The following VANGL2 variants were observed in gnomAD, a reference collection of about 807,000 sequenced individuals.
VANGL2 encodes VANGL planar cell polarity protein 2.
VANGL2 carries 14 observed loss-of-function variants against 50.2 expected under a neutral mutation model. That is an observed-to-expected ratio of 0.28 (90% CI 0.18 to 0.44). VANGL2 has a LOEUF of 0.44. Among genes scored for constraint, VANGL2 ranks in the 20% least tolerant of loss-of-function variants. The pLI, the probability that VANGL2 is intolerant of heterozygous loss-of-function variation, is 1.00. For synonymous variants in VANGL2, 295 were observed against 297.2 expected (o/e 0.99, Z 0.08); for missense variants, 533 against 701.5 (o/e 0.76, Z 2.71).
At chr1:160,417,244 C>T (rs1188178967) in intron 3 of VANGL2, among the ~76,000 whole-genome samples, 1 of 152,178 alleles carries the variant, frequency 6.6e-6, no homozygotes, top group African/African-American at 2.4e-5. Context: ...GGAGGTTCCT[C>T]AACCTCCCTA....
intron 6 of VANGL2, among the ~76,000 whole-genome samples, chr1:160,421,553 C>A (rs142459794): frequency 6.6e-6 from 1 of 152,276 alleles, no homozygotes; most frequent in East Asian, 1.9e-4. Flanking sequence ...GATGGTAGTG[C>A]ACTTTTTTTT....
Position 160,428,645 on chromosome 1 carries a change from T to G in VANGL2, c.*3267T>G, listed in dbSNP as rs1319815660. The G allele has an allele frequency of 6.6e-6, 1 of 152,614 alleles. No individual in the cohort carries two copies. The highest frequency in any genetic ancestry group is 2.1e-4 in the South Asian group (1 of 4,830). The allele number at this position is 152,614 out of a possible 1,614,324, so 9.5% of individuals were successfully genotyped here. ...ACTAAAACTGTACAAATTTTTTTTA[T>G]ATAAAATAAAGACATTTGACTTTTG... On this transcript the variant is annotated 3_prime_UTR_variant, in exon 8 of 8. Coordinates refer to ENST00000368061, the MANE Select transcript of VANGL2 (RefSeq NM_020335.3).
intron 3 of VANGL2, among the ~76,000 whole-genome samples, 183 bp from the exon 4 acceptor site, chr1:160,418,819 A>C (rs1651151924): frequency 6.6e-6 from 1 of 152,170 alleles, no homozygotes; most frequent in African/African-American, 2.4e-5. Context: ...TTTGACACAC[A>C]TTGGAGCTCA....
chr1:160,407,407 A>G (rs1650712998), intron 1 of VANGL2, among the ~76,000 whole-genome samples: 1 of 151,830 alleles, frequency 6.6e-6, no homozygotes, highest in East Asian at 1.9e-4. Context: ...ACTGCATCTC[A>G]CACCCTGAGG....
chr1:160,425,335 C>T lies in VANGL2; in HGVS notation c.1523C>T (p.Ser508Leu). 9.3e-6 allele frequency: 15 copies of T among 1,610,238 alleles called. No homozygotes were observed. Among genetic ancestry groups the T allele is most frequent in the Non-Finnish European group, 1.2e-5 (14 of 1,179,116 alleles). ...TCCGAGGAATTTGTGGATCCCAAGT[C>T]ACACAAGTTTGTCATGAGGCTGCAG... ...KLSEEFVDPK[S>L]HKFVMRLQSE... The change falls in exon 8 of 8, where the codon TCA becomes TTA. Residue 508 changes from serine to leucine, a missense_variant. By Grantham distance (145) the Ser-to-Leu change is moderately radical. Coordinates refer to ENST00000368061, the MANE Select transcript of VANGL2 (RefSeq NM_020335.3).
At position 160,415,613 on chromosome 1, in the gene VANGL2, C is replaced by T. The variant is rs976531590; in HGVS notation, c.-190-35C>T. ...CTCTGCCCTGACCCCACAGGGAGCTCGAGCCGCCTCTAACTAGCTTCTTCC... is the reference window on the plus strand; with the variant it reads ...CTCTGCCCTGACCCCACAGGGAGCTTGAGCCGCCTCTAACTAGCTTCTTCC... On this transcript the variant is annotated intron_variant, in intron 1 of 7. Coordinates refer to ENST00000368061, the MANE Select transcript of VANGL2 (RefSeq NM_020335.3). The T allele has an allele frequency of 1.5e-5, 9 of 585,682 alleles. 1 individual carries two copies. The East Asian group carries it at 2.1e-4, about 13-fold the overall frequency. The allele number at this position is 585,682 out of a possible 1,614,324, so 36.3% of individuals were successfully genotyped here. A position where few individuals can be genotyped will look rare whatever the true frequency, so the allele number is the denominator to read the frequency against.
rs1423051632 is a variant in VANGL2, at chr1:160,421,147, G to A, written c.1033G>A (p.Glu345Lys). The A allele has an allele frequency of 3.7e-6, 6 of 1,613,950 alleles. No homozygotes were observed. The highest frequency in any genetic ancestry group is 5.1e-6 in the Non-Finnish European group (6 of 1,180,058). Residue 345 changes from glutamate to lysine, a missense_variant, in exon 6 of 8, where the codon GAG (glutamate) becomes AAG (lysine). Transcript: ENST00000368061. ...DNSHNEYYYE[E>K]AEHERRVRKR... The stretch of plus-strand genomic sequence containing the variant: ...CAGTCACAATGAGTACTACTATGAG[G>A]AGGCTGAGCATGAGCGAAGGGTGCG...
In VANGL2 at chr1:160,419,672, G is replaced by T; in HGVS notation, c.800+63G>T. 1 of 1,576,120 alleles carries T rather than the reference G, an allele frequency of 6.3e-7. No homozygotes were observed. Among genetic ancestry groups the T allele is most frequent in the Non-Finnish European group, 8.5e-7 (1 of 1,169,744 alleles). ...GGGCATGGGAGGATGTGGAGTGACT[G>T]CTAGGGTGGGAGGGTATGATGGTGG... On this transcript the variant is annotated intron_variant, in intron 4 of 7. Coordinates refer to ENST00000368061, the MANE Select transcript of VANGL2 (RefSeq NM_020335.3). The surrounding 1 kb of genome is among the most constrained non-coding windows in gnomAD (Gnocchi z 5.8).
chr1:160,425,651 G>T lies in VANGL2; in HGVS notation c.*273G>T. On this transcript the variant is annotated 3_prime_UTR_variant, in exon 8 of 8. Transcript: ENST00000368061. ...TACTCTAGGCCCTGCAGGAATCAGT[G>T]CCTCTCTCCCTCTTCTTTCCCTAGT... 1 of 414,896 alleles carries T rather than the reference G, an allele frequency of 2.4e-6. No individual in the cohort carries two copies. Among genetic ancestry groups the T allele is most frequent in the Non-Finnish European group, 4.3e-6 (1 of 231,600 alleles). The allele number at this position is 414,896 out of a possible 1,614,324, so 25.7% of individuals were successfully genotyped here. A position where few individuals can be genotyped will look rare whatever the true frequency, so the allele number is the denominator to read the frequency against.
rs371360132 is a variant in VANGL2, at chr1:160,401,342, G to A, written c.-191+473G>A. 3.2e-4 allele frequency among the ~76,000 whole-genome samples: 48 copies of A among 152,232 alleles called. No individual in the cohort carries two copies. The South Asian group carries it at 9.3e-3, about 30-fold the overall frequency. On this transcript the variant is annotated intron_variant, in intron 1 of 7. Coordinates refer to ENST00000368061, the MANE Select transcript of VANGL2 (RefSeq NM_020335.3). Reference sequence around the variant, plus strand: ...GGGACGGAGGCAGGTATGCGTTAAGGGTGTAGAGTGGAGTCAGGGGGGCGG... The same window carrying A: ...GGGACGGAGGCAGGTATGCGTTAAGAGTGTAGAGTGGAGTCAGGGGGGCGG...
rs1651420010 is a variant in VANGL2 at position 160,425,497 on chromosome 1, A to G, written c.*119A>G. Reference sequence around the variant, plus strand: ...TTCTTCTTCTTGCTCTTTTTTTTTTACTTGAATTAACGCACCCCCACCTTC... The same window carrying G: ...TTCTTCTTCTTGCTCTTTTTTTTTTGCTTGAATTAACGCACCCCCACCTTC... On this transcript the variant is annotated 3_prime_UTR_variant, in exon 8 of 8. Coordinates refer to ENST00000368061, the MANE Select transcript of VANGL2 (RefSeq NM_020335.3). 5.0e-6 allele frequency: 4 copies of G among 800,810 alleles called. No individual in the cohort carries two copies. The highest frequency in any genetic ancestry group is 7.5e-6 in the Non-Finnish European group (4 of 536,798). The allele number at this position is 800,810 out of a possible 1,614,324, so 49.6% of individuals were successfully genotyped here. A position where few individuals can be genotyped will look rare whatever the true frequency, so the allele number is the denominator to read the frequency against.
In VANGL2 at chr1:160,425,179, T is replaced by C; in HGVS notation, c.1367T>C (p.Leu456Pro). ...ATCCAGTACCACAAGGAACGCTGGC[T>C]GGCCAAACAGTGGACATTGGTGAGC... ...PTIQYHKERW[L>P]AKQWTLVSEE... The change falls in exon 8 of 8, where the codon CTG (leucine) becomes CCG (proline). Residue 456 changes from leucine (L) to proline (P), a missense_variant. Transcript: ENST00000368061. 6.2e-7 allele frequency: 1 copy of C among 1,614,196 alleles called. No homozygotes were observed. Among genetic ancestry groups the C allele is most frequent in the Non-Finnish European group, 8.5e-7 (1 of 1,180,028 alleles).
chr1:160,419,674 T>C lies in VANGL2; in HGVS notation c.800+65T>C. 1 of 1,574,296 alleles carries C rather than the reference T, an allele frequency of 6.4e-7. No individual in the cohort carries two copies. The highest frequency in any genetic ancestry group is 8.6e-7 in the Non-Finnish European group (1 of 1,168,882). On this transcript the variant is annotated intron_variant, in intron 4 of 7. Transcript: ENST00000368061. This position sits in a 1 kb window ranked among gnomAD's most constrained non-coding sequence, Gnocchi z 5.8. ...GCATGGGAGGATGTGGAGTGACTGC[T>C]AGGGTGGGAGGGTATGATGGTGGGC...
At position 160,421,178 on chromosome 1, in the gene VANGL2, G is replaced by A. The variant is rs1294336660; in HGVS notation, c.1064G>A (p.Arg355Lys). The A allele has an allele frequency of 6.2e-7, 1 of 1,613,458 alleles. No individual in the cohort carries two copies. Among genetic ancestry groups the A allele is most frequent in the African/African-American group, 1.3e-5 (1 of 75,038 alleles). Residue 355 changes from arginine to lysine, a missense_variant, in exon 6 of 8, where the codon AGG becomes AAG. Coordinates refer to ENST00000368061, the MANE Select transcript of VANGL2 (RefSeq NM_020335.3). ...GAGCATGAGCGAAGGGTGCGCAAGA[G>A]GAGGGCCAGGTGGGTCCCTGGGGGA... is the stretch of plus-strand genomic sequence containing the variant. ...EAEHERRVRK[R>K]RARLVVAVEE...
chr1:160,419,408 A>G lies in VANGL2; in HGVS notation c.599A>G (p.Tyr200Cys), dbSNP rs1348283097. Residue 200 changes from tyrosine to cysteine, a missense_variant, in exon 4 of 8, where the codon TAT becomes TGT. Physicochemically the swap from Tyr to Cys is radical, Grantham distance 194. Coordinates refer to ENST00000368061, the MANE Select transcript of VANGL2 (RefSeq NM_020335.3). The surrounding 1 kb of genome is among the most constrained non-coding windows in gnomAD (Gnocchi z 5.8). Reference protein sequence around the residue: ...FLLVVSYWLFYGVRILDARER... With the variant: ...FLLVVSYWLFCGVRILDARER... ...CTCGTGGTCTCCTACTGGCTCTTCT[A>G]TGGTGTGCGCATCCTGGATGCTCGG... 1.2e-6 allele frequency: 2 copies of G among 1,612,044 alleles called. No individual in the cohort carries two copies. The highest frequency in any genetic ancestry group is 1.3e-5 in the African/African-American group (1 of 74,812).
Position 160,419,064 on chromosome 1 carries a change from T to C in VANGL2, c.255T>C (p.His85=). The C allele has an allele frequency of 6.2e-7, 1 of 1,613,504 alleles. No individual in the cohort carries two copies. Among genetic ancestry groups the C allele is most frequent in the Non-Finnish European group, 8.5e-7 (1 of 1,179,480 alleles). The change falls in exon 4 of 8, where the codon CAT becomes CAC. Residue 85 remains histidine, a synonymous_variant. Transcript: ENST00000368061. The surrounding 1 kb of genome is among the most constrained non-coding windows in gnomAD (Gnocchi z 5.8). ...GCACCTCAGAGCACAGCATCTCCCATGATGACCTCACACGCATCGCCAAGG... is the reference window on the plus strand; with the variant it reads ...GCACCTCAGAGCACAGCATCTCCCACGATGACCTCACACGCATCGCCAAGG... ...VTGTSEHSIS[H]DDLTRIAKDM...
chr1:160,414,204 A>G (rs1650979477), intron 1 of VANGL2, among the ~76,000 whole-genome samples: 1 of 152,152 alleles, frequency 6.6e-6, no homozygotes, highest in African/African-American at 2.4e-5. Flanking sequence ...AAAATCCTTC[A>G]AAGTTTTCCT....
chr1:160,427,253 G>C lies in VANGL2; in HGVS notation c.*1875G>C, dbSNP rs965502624. The C allele has an allele frequency of 1.3e-5, 2 of 152,706 alleles. No homozygotes were observed. The highest frequency in any genetic ancestry group is 4.8e-5 in the African/African-American group (2 of 41,420). 9.5% of individuals were successfully genotyped at this position (152,706 alleles called of 1,614,324 possible). A position where few individuals can be genotyped will look rare whatever the true frequency, so the allele number is the denominator to read the frequency against. On this transcript the variant is annotated 3_prime_UTR_variant, in exon 8 of 8. Transcript: ENST00000368061. ...AATACCTCACTATCCTGGAAAACAG[G>C]GCCTGGATGGTGACTGGGGTCATTG... is the stretch of plus-strand genomic sequence containing the variant.
intron 3 of VANGL2, among the ~76,000 whole-genome samples, chr1:160,418,716 T>C (rs1651147859): frequency 6.6e-6 from 1 of 152,160 alleles, no homozygotes; most frequent in South Asian, 2.1e-4. Context: ...CTGAGGGTCA[T>C]TGCCGCATGT....
Sources: allele counts gnomAD v4.1 joint callset (sites outside exome capture counted in the v4.1 genomes callset), GRCh38; gene constraint gnomAD v4.1.1; non-coding constraint Gnocchi (gnomAD v3.1); transcripts MANE v1.5; gene names NCBI Gene and HGNC (gene_info 2026-07-23, HGNC 2026-07-21).